CDKAL1: variants seen among roughly 807,000 people sequenced by gnomAD.
CDKAL1 encodes threonylcarbamoyladenosine tRNA methylthiotransferase.
CDKAL1 carries 32 observed loss-of-function variants against 68.2 expected under a neutral mutation model. That is an observed-to-expected ratio of 0.47 (90% CI 0.35 to 0.63). The LOEUF (loss-of-function observed/expected upper bound fraction) is 0.63. Ranked by LOEUF, CDKAL1 falls within the 30% of genes least tolerant of loss-of-function variation. The pLI, the probability that CDKAL1 is intolerant of heterozygous loss-of-function variation, is 0.00. For missense variants in CDKAL1, 606 were observed against 696.7 expected (o/e 0.87, Z 1.47); for synonymous variants, 234 against 244.3 (o/e 0.96, Z 0.39).
intron 5 of CDKAL1, among the ~76,000 whole-genome samples, chr6:20,650,385 C>T (rs1209257450): frequency 6.6e-6 from 1 of 151,898 alleles, no homozygotes; most frequent in Non-Finnish European, 1.5e-5. Context: ...ATGTGCTTTG[C>T]CCACTTTTTA....
intron 8 of CDKAL1, among the ~76,000 whole-genome samples, chr6:20,826,739 C>T (rs1777518103): frequency 6.6e-6 from 1 of 152,138 alleles, no homozygotes; most frequent in Admixed American, 6.6e-5. Flanking sequence ...AAAATCTCAA[C>T]TGTATATCTG....
intron 5 of CDKAL1, among the ~76,000 whole-genome samples, chr6:20,681,740 G>T (rs564859738): frequency 6.6e-6 from 1 of 152,280 alleles, no homozygotes; most frequent in South Asian, 2.1e-4. Context: ...CCAGAAGCGA[G>T]AGATGGGTGC....
intron 11 of CDKAL1, among the ~76,000 whole-genome samples, chr6:21,050,582 A>G (rs1770487870): frequency 6.6e-6 from 1 of 152,202 alleles, no homozygotes; most frequent in Admixed American, 6.5e-5. Context: ...TGGACTCAGA[A>G]TGGGGAGTGC....
At chr6:21,211,814 T>C (rs1198743875) in intron 15 of CDKAL1, among the ~76,000 whole-genome samples, 2 of 152,216 alleles carry the variant, frequency 1.3e-5, no homozygotes, top group Non-Finnish European at 2.9e-5. Flanking sequence ...TGGAGTGCAG[T>C]GGTGCAATCT....
chr6:20,567,366 G>A (rs1039741308), intron 4 of CDKAL1, among the ~76,000 whole-genome samples: 1 of 151,922 alleles, frequency 6.6e-6, no homozygotes, highest in African/African-American at 2.4e-5. Flanking sequence ...ATGGTATTAA[G>A]CATTAATAAG....
At chr6:21,035,098 T>C (rs1325279842) in intron 11 of CDKAL1, among the ~76,000 whole-genome samples, 4 of 152,146 alleles carry the variant, frequency 2.6e-5, no homozygotes, top group African/African-American at 9.7e-5. Flanking sequence ...TATTTATTAA[T>C]TTTTGTGCAT....
At chr6:20,581,075 C>G (rs1170450014) in intron 4 of CDKAL1, among the ~76,000 whole-genome samples, 1 of 152,178 alleles carries the variant, frequency 6.6e-6, no homozygotes, top group Non-Finnish European at 1.5e-5. Context: ...AGGCGTGATA[C>G]TTTTAATTTT....
chr6:20,722,663 G>C (rs1429334783), intron 5 of CDKAL1: 1 of 167,620 alleles, frequency 6.0e-6, no homozygotes, highest in Non-Finnish European at 1.3e-5. Context: ...AAAACAGCCT[G>C]AAACCCGCAG....
At chr6:20,907,776 G>A (rs983327087) in intron 9 of CDKAL1, among the ~76,000 whole-genome samples, 1 of 152,160 alleles carries the variant, frequency 6.6e-6, no homozygotes, top group African/African-American at 2.4e-5. Context: ...CACCACCCGA[G>A]GTGGATGGGA....
rs80085092 is a variant in CDKAL1, at chr6:20,876,997, T to C, written c.742+30819T>C. ...AATACACTTGTTCAATCAACACTTT[T>C]ATTTAACACATAGTATGTGCTGTGT... is the stretch of plus-strand genomic sequence containing the variant. On this transcript the variant is annotated intron_variant, in intron 9 of 15. Coordinates refer to ENST00000274695, the MANE Select transcript of CDKAL1 (RefSeq NM_017774.3). Among the ~76,000 whole-genome samples the C allele has an allele frequency of 3.0e-3, 458 of 152,340 alleles. 2 individuals carry two copies. Among genetic ancestry groups the C allele is most frequent in the Non-Finnish European group, 4.1e-3 (276 of 68,028 alleles).
intron 4 of CDKAL1, among the ~76,000 whole-genome samples, chr6:20,619,467 T>G (rs1166115853): frequency 3.3e-5 from 5 of 152,190 alleles, no homozygotes; most frequent in Non-Finnish European, 5.9e-5. Context: ...CTTCTAAACA[T>G]TATGTTGTAT....
intron 9 of CDKAL1, among the ~76,000 whole-genome samples, chr6:20,847,896 G>A (rs1422121920): frequency 1.3e-5 from 2 of 152,216 alleles, no homozygotes; most frequent in African/African-American, 4.8e-5. Flanking sequence ...ACACTCCACA[G>A]TGTGGGAGCA....
rs552734410 is a variant in CDKAL1 at position 20,743,739 on chromosome 6, C to T, written c.468+4124C>T. On this transcript the variant is annotated intron_variant, in intron 6 of 15. Coordinates refer to ENST00000274695, the MANE Select transcript of CDKAL1 (RefSeq NM_017774.3). ...ACAACATTGAAACCAGAAATAAAGCCTGCCATCCTCTGAGTCCAGATCCTC... is the reference window on the plus strand; with the variant it reads ...ACAACATTGAAACCAGAAATAAAGCTTGCCATCCTCTGAGTCCAGATCCTC... Among the ~76,000 whole-genome samples the T allele has an allele frequency of 4.6e-5, 7 of 152,300 alleles. No homozygotes were observed. In the South Asian group the frequency reaches 1.2e-3, roughly 27 times the overall value.
intron 12 of CDKAL1, among the ~76,000 whole-genome samples, chr6:21,097,766 C>T (rs1379971535): frequency 6.6e-6 from 1 of 152,082 alleles, no homozygotes; most frequent in Non-Finnish European, 1.5e-5. Flanking sequence ...ATTCATGCCT[C>T]GAATATAAAT....
intron 9 of CDKAL1, among the ~76,000 whole-genome samples, chr6:20,856,157 A>T (rs1759325675): frequency 6.6e-6 from 1 of 152,240 alleles, no homozygotes; most frequent in Admixed American, 6.5e-5. Context: ...CTGCTTACTC[A>T]GGAGCACGTG....
intron 13 of CDKAL1, among the ~76,000 whole-genome samples, chr6:21,197,022 G>A (rs886997861): frequency 2.0e-5 from 3 of 152,124 alleles, no homozygotes; most frequent in African/African-American, 7.2e-5. Context: ...GCCGGGCATA[G>A]TGGCGCATGC....
At chr6:20,603,148 C>T (rs1369973209) in intron 4 of CDKAL1, among the ~76,000 whole-genome samples, 1 of 152,162 alleles carries the variant, frequency 6.6e-6, no homozygotes, top group African/African-American at 2.4e-5. Flanking sequence ...AAAAGAATCA[C>T]CGTGCAGACC....
chr6:21,116,558 C>A (rs1196245655), intron 13 of CDKAL1, among the ~76,000 whole-genome samples: 1 of 152,070 alleles, frequency 6.6e-6, no homozygotes, highest in Admixed American at 6.6e-5. Flanking sequence ...CCATCCTGTT[C>A]AGCTGATGGC....
chr6:20,683,739 T>C (rs1052795302), intron 5 of CDKAL1, among the ~76,000 whole-genome samples: 7 of 152,212 alleles, frequency 4.6e-5, no homozygotes, highest in African/African-American at 7.2e-5. Context: ...ACCCAGAGAA[T>C]GTAGTTTACA....
Sources: gnomAD v4.1 joint callset for allele counts (sites outside exome capture counted in the v4.1 genomes callset) on GRCh38, gnomAD v4.1.1 for gene constraint, MANE v1.5 for transcripts, NCBI Gene and HGNC (gene_info 2026-07-23, HGNC 2026-07-21) for gene names.